The following FRMPD1 variants were observed in gnomAD, a reference collection of about 807,000 sequenced individuals.
The protein encoded by FRMPD1 is FERM and PDZ domain-containing protein 1.
A neutral mutation model predicts 117.8 loss-of-function variants in FRMPD1; 76 were observed. The observed-to-expected ratio is 0.65, with a 90% confidence interval of 0.54 to 0.78. The LOEUF (loss-of-function observed/expected upper bound fraction) is 0.78. Ranked by LOEUF, FRMPD1 falls within the 30% of genes least tolerant of loss-of-function variation. FRMPD1 has a pLI of 0.00. For synonymous variants in FRMPD1, 783 were observed against 770.4 expected, an observed-to-expected ratio of 1.02 and a Z score of -0.27; for missense variants, 1,786 against 1,964.5, an observed-to-expected ratio of 0.91 and a Z score of 1.72.
At chr9:37,683,612 C>G (rs1473063260) in intron 1 of FRMPD1, among the ~76,000 whole-genome samples, 1 of 152,202 alleles carries the variant, frequency 6.6e-6, no homozygotes, top group Admixed American at 6.5e-5. Flanking sequence ...CATGAGAAAC[C>G]AAAGCCTTTG....
intron 7 of FRMPD1, among the ~76,000 whole-genome samples, chr9:37,726,676 C>T (rs574620321): frequency 1.1e-4 from 16 of 151,786 alleles, no homozygotes; most frequent in African/African-American, 3.6e-4. Flanking sequence ...CCAGCCTGGG[C>T]GATGAGAGCG....
At chr9:37,736,372 G>C (rs547731174) in intron 13 of FRMPD1, among the ~76,000 whole-genome samples, 7 of 151,704 alleles carry the variant, frequency 4.6e-5, no homozygotes, top group Non-Finnish European at 8.8e-5. Context: ...GCATTAAAAT[G>C]GGTAAATAGT....
the FRMPD1 span, among the ~76,000 whole-genome samples, chr9:37,625,326 G>C: frequency 2.6e-5 from 4 of 152,122 alleles, no homozygotes; most frequent in African/African-American, 4.8e-5. Context: ...GAGATATTAG[G>C]GTTGTTCCAT....
At chr9:37,604,347 T>C in the FRMPD1 span, among the ~76,000 whole-genome samples, 1 of 152,260 alleles carries the variant, frequency 6.6e-6, no homozygotes, top group Non-Finnish European at 1.5e-5. Context: ...GAAGATCTAG[T>C]ACCTGGTAGA....
chr9:37,612,124 G>A, the FRMPD1 span, among the ~76,000 whole-genome samples: 24 of 152,046 alleles, frequency 1.6e-4, no homozygotes, highest in Non-Finnish European at 3.1e-4. Flanking sequence ...ATATCCCAGG[G>A]GTGTGATGTG....
upstream of FRMPD1, among the ~76,000 whole-genome samples, chr9:37,649,117 A>G (rs1820592032): frequency 6.6e-6 from 1 of 152,192 alleles, no homozygotes; most frequent in Admixed American, 6.5e-5. Flanking sequence ...TCCATGGGGA[A>G]CATTTGTACT....
intron 2 of FRMPD1, among the ~76,000 whole-genome samples, chr9:37,700,519 C>T (rs10973499): frequency 0.34 from 51,330 of 152,102 alleles, 9,446 homozygotes; most frequent in Non-Finnish European, 0.43. Flanking sequence ...TGCTGGAACT[C>T]GGAGGTGAAT....
the FRMPD1 span, among the ~76,000 whole-genome samples, chr9:37,634,209 C>T: frequency 9.8e-5 from 15 of 152,326 alleles, no homozygotes; most frequent in East Asian, 1.9e-4. Context: ...CTTCATCAAT[C>T]GCCAGATTTA....
In FRMPD1 at chr9:37,740,498, G is replaced by A. The variant is rs1451565527; in HGVS notation, c.1970G>A (p.Cys657Tyr). 2 of 1,614,046 alleles carry A rather than the reference G, an allele frequency of 1.2e-6. No homozygotes were observed. Among genetic ancestry groups the A allele is most frequent in the Non-Finnish European group, 1.7e-6 (2 of 1,180,034 alleles). The change falls in exon 15 of 16, where the codon TGT becomes TAT. Residue 657 changes from cysteine (C) to tyrosine (Y), a missense_variant. Physicochemically the swap from Cys to Tyr is radical, Grantham distance 194. Transcript: ENST00000377765. The surrounding 1 kb of genome is among the most constrained non-coding windows in gnomAD (Gnocchi z 4.2). ...GGGATTGAAACCAGTGGCTTCCTCT[G>A]TCTCCTGGACCTGGCCCAGAGAGCC... The part of the protein sequence containing the change: ...RSGIETSGFL[C>Y]LLDLAQRANP...
At chr9:37,645,054 A>G in the FRMPD1 span, among the ~76,000 whole-genome samples, 2 of 150,962 alleles carry the variant, frequency 1.3e-5, no homozygotes, top group African/African-American at 2.4e-5. Context: ...CAACCTCAAG[A>G]CATGCCTTCT....
At chr9:37,637,970 TTC>T in the FRMPD1 span, among the ~76,000 whole-genome samples, 1,142 of 83,092 alleles carry the variant, frequency 0.014, 52 homozygotes, top group African/African-American at 0.026. Flanking sequence ...TATGCTTTCT[TTC>T]TTTCTTTCTT....
intron 2 of FRMPD1, among the ~76,000 whole-genome samples, chr9:37,706,049 A>T (rs921979185): frequency 2.0e-5 from 3 of 152,038 alleles, no homozygotes; most frequent in Non-Finnish European, 2.9e-5. Context: ...ATTTAGTGTG[A>T]ATTTTCAGTT....
At chr9:37,686,886 G>A (rs1278854161) in intron 1 of FRMPD1, among the ~76,000 whole-genome samples, 1 of 152,180 alleles carries the variant, frequency 6.6e-6, no homozygotes, top group Non-Finnish European at 1.5e-5. Context: ...CTCTTCCAGT[G>A]CTGTGCTTAC....
At chr9:37,615,209 C>A in the FRMPD1 span, among the ~76,000 whole-genome samples, 1 of 152,126 alleles carries the variant, frequency 6.6e-6, no homozygotes, top group South Asian at 2.1e-4. Context: ...ACTTCCCAGG[C>A]TCAAGTGATC....
intron 10 of FRMPD1, among the ~76,000 whole-genome samples, chr9:37,733,011 C>G (rs946209684): frequency 4.6e-5 from 7 of 152,162 alleles, no homozygotes; most frequent in Admixed American, 1.3e-4. Context: ...TAAGTCCAAT[C>G]TCTCGCAGCA....
At chr9:37,638,558 T>A in the FRMPD1 span, among the ~76,000 whole-genome samples, 1 of 152,330 alleles carries the variant, frequency 6.6e-6, no homozygotes, top group East Asian at 1.9e-4. Context: ...CTTTTGTTTA[T>A]GTATCATCCC....
intron 5 of FRMPD1, among the ~76,000 whole-genome samples, chr9:37,717,700 G>A (rs574193280): frequency 6.6e-6 from 1 of 151,856 alleles, no homozygotes; most frequent in South Asian, 2.1e-4. Flanking sequence ...AAGAATTAAC[G>A]ACAAACTAAT....
chr9:37,719,772 C>T (rs531213238), intron 6 of FRMPD1, among the ~76,000 whole-genome samples: 10 of 152,152 alleles, frequency 6.6e-5, no homozygotes, highest in Admixed American at 3.3e-4. Flanking sequence ...TTCACTATGA[C>T]GTGCTGTCTA....
chr9:37,746,851 C>T lies in FRMPD1; in HGVS notation c.*82C>T, dbSNP rs990217435. On this transcript the variant is annotated 3_prime_UTR_variant, in exon 16 of 16. Coordinates refer to ENST00000377765, the MANE Select transcript of FRMPD1 (RefSeq NM_014907.3). ...AAGCCCCTTCCACTCTCCCACCCAC[C>T]CTCTTCAAATGTTTACTATATAGAG... 1.0e-5 allele frequency: 9 copies of T among 887,582 alleles called. No homozygotes were observed. Among genetic ancestry groups the T allele is most frequent in the African/African-American group, 1.0e-4 (6 of 60,084 alleles). The allele number at this position is 887,582 out of a possible 1,614,324, so 55.0% of individuals were successfully genotyped here. A position where few individuals can be genotyped will look rare whatever the true frequency, so the allele number is the denominator to read the frequency against.
Sources: allele counts gnomAD v4.1 joint callset (sites outside exome capture counted in the v4.1 genomes callset), GRCh38; gene constraint gnomAD v4.1.1; non-coding constraint Gnocchi (gnomAD v3.1); transcripts MANE v1.5; gene names NCBI Gene and HGNC (gene_info 2026-07-23, HGNC 2026-07-21).